The following KCNMB2 variants were observed in gnomAD, a reference collection of about 807,000 sequenced individuals.
KCNMB2 encodes calcium-activated potassium channel subunit beta-2.
Under a neutral mutation model 24.5 loss-of-function variants are expected in KCNMB2, and 9 were observed. The ratio of observed to expected loss-of-function variants is 0.37; its 90% CI spans 0.22 to 0.64. The LOEUF is 0.64. Among genes scored for constraint, KCNMB2 ranks in the 30% least tolerant of loss-of-function variants. KCNMB2 has a pLI of 0.63. For missense variants in KCNMB2, 226 were observed against 284.3 expected, an observed-to-expected ratio of 0.79 and a Z score of 1.47; for synonymous variants, 109 against 104.4, an observed-to-expected ratio of 1.04 and a Z score of -0.27.
At chr3:178,582,435 A>G (rs1717249251) in intron 1 of KCNMB2, among the ~76,000 whole-genome samples, 1 of 152,162 alleles carries the variant, frequency 6.6e-6, no homozygotes, top group South Asian at 2.1e-4. Flanking sequence ...GGTACAGCAA[A>G]CCACCATGGC....
chr3:178,759,812 C>A (rs868737434), intron 1 of KCNMB2, among the ~76,000 whole-genome samples: 187 of 5,556 alleles, frequency 0.034, 9 homozygotes, highest in African/African-American at 0.039. Context: ...GAGGATATAT[C>A]TATATATATA....
rs1408499293 is a variant in KCNMB2, at chr3:178,696,742, A to C, written c.-67-110601A>C. Among the ~76,000 whole-genome samples, 4 of 152,204 alleles carry C rather than the reference A, an allele frequency of 2.6e-5. 1 individual carries two copies. Among genetic ancestry groups the C allele is most frequent in the Admixed American group, 2.6e-4 (4 of 15,276 alleles). ...CTTTTTGATGTGTGCATTTTCTTCT[A>C]TAAATTTCCCTTTTAACATCACCTT... On this transcript the variant is annotated intron_variant, in intron 1 of 4. Coordinates refer to ENST00000452583, the MANE Select transcript of KCNMB2 (RefSeq NM_181361.3).
At chr3:178,783,851 G>C (rs538067516) in intron 1 of KCNMB2, among the ~76,000 whole-genome samples, 1 of 152,256 alleles carries the variant, frequency 6.6e-6, no homozygotes, top group Middle Eastern at 3.4e-3. Context: ...TGGTGAGAGA[G>C]GGCATCCCTG....
intron 2 of KCNMB2, among the ~76,000 whole-genome samples, chr3:178,822,454 T>C (rs1714669742): frequency 6.6e-6 from 1 of 152,254 alleles, no homozygotes; most frequent in Non-Finnish European, 1.5e-5. Flanking sequence ...CTGATATTTA[T>C]ATACATGTCT....
At chr3:178,762,574 T>C (rs551875649) in intron 1 of KCNMB2, among the ~76,000 whole-genome samples, 24 of 152,180 alleles carry the variant, frequency 1.6e-4, no homozygotes, top group African/African-American at 4.8e-4. Context: ...CTGCAGGGTG[T>C]AGAATGTAAG....
intron 1 of KCNMB2, among the ~76,000 whole-genome samples, chr3:178,624,985 C>G (rs1270347578): frequency 2.6e-5 from 4 of 152,048 alleles, no homozygotes; most frequent in African/African-American, 4.8e-5. Context: ...GAAAAAGCAG[C>G]AGGCTGCCCA....
At chr3:178,652,481 AT>A (rs1720160678) in intron 1 of KCNMB2, among the ~76,000 whole-genome samples, 1 of 151,714 alleles carries the variant, frequency 6.6e-6, no homozygotes. Flanking sequence ...AAAATCATGT[AT>A]TTTTTTCTCC....
chr3:178,611,591 G>A (rs1319731160), intron 1 of KCNMB2, among the ~76,000 whole-genome samples: 1 of 152,110 alleles, frequency 6.6e-6, no homozygotes, highest in Non-Finnish European at 1.5e-5. Flanking sequence ...TGTAGTCCCA[G>A]CTATTCGGGA....
At chr3:178,738,305 C>T (rs1158595249) in intron 1 of KCNMB2, among the ~76,000 whole-genome samples, 1 of 152,196 alleles carries the variant, frequency 6.6e-6, no homozygotes, top group Non-Finnish European at 1.5e-5. Flanking sequence ...AGCCTTCTAA[C>T]CTGTGCTCAT....
intron 1 of KCNMB2, among the ~76,000 whole-genome samples, chr3:178,768,750 G>T (rs568364782): frequency 1.3e-5 from 2 of 152,060 alleles, no homozygotes; most frequent in African/African-American, 4.8e-5. Context: ...CTGCATTTTC[G>T]CCTCATAGAT....
chr3:178,678,152 T>C (rs1029296503), intron 1 of KCNMB2, among the ~76,000 whole-genome samples: 1 of 152,184 alleles, frequency 6.6e-6, no homozygotes, highest in South Asian at 2.1e-4. Flanking sequence ...AGCTAGTCAG[T>C]GTCAGGGGTC....
intron 1 of KCNMB2, among the ~76,000 whole-genome samples, chr3:178,718,855 ATC>A (rs1158869156): frequency 6.6e-6 from 1 of 152,110 alleles, no homozygotes; most frequent in East Asian, 1.9e-4. Flanking sequence ...AGAGACACAA[ATC>A]TCTGTCTCAT....
intron 1 of KCNMB2, among the ~76,000 whole-genome samples, chr3:178,592,842 T>A (rs1717725807): frequency 6.6e-6 from 1 of 152,064 alleles, no homozygotes; most frequent in African/African-American, 2.4e-5. Context: ...AAGGGCCCAG[T>A]TTGTTAGCAT....
At chr3:178,757,866 T>TATATATATCCAAGAGGATAC (rs1724203950) in intron 1 of KCNMB2, among the ~76,000 whole-genome samples, 1 of 131,860 alleles carries the variant, frequency 7.6e-6, no homozygotes, top group African/African-American at 2.7e-5. Flanking sequence ...AGGATACATA[T>TATATATATCCAAGAGGATAC]ATATATCCAA....
rs1560009531 is a variant in KCNMB2, at chr3:178,759,727, CACA to C, written c.-67-47615_-67-47613del. ...ATATATATCCAAGAGGATATATATA[CACA>C]TATATATATCCAAGAGGATATATCT... is the stretch of plus-strand genomic sequence containing the variant. On this transcript the variant is annotated intron_variant, in intron 1 of 4. Coordinates refer to ENST00000452583, the MANE Select transcript of KCNMB2 (RefSeq NM_181361.3). Among the ~76,000 whole-genome samples, 276 of 50,916 alleles carry C rather than the reference CACA, an allele frequency of 5.4e-3. 29 individuals carry two copies. Among genetic ancestry groups the C allele is most frequent in the Non-Finnish European group, 9.8e-3 (239 of 24,396 alleles). 33.4% of individuals were successfully genotyped at this position (50,916 alleles called of 152,430 possible).
chr3:178,603,393 C>A (rs1327371804), intron 1 of KCNMB2, among the ~76,000 whole-genome samples: 1 of 151,406 alleles, frequency 6.6e-6, no homozygotes, highest in Non-Finnish European at 1.5e-5. Context: ...AGAAATAGCC[C>A]AGAGAGAACA....
chr3:178,782,830 C>CA (rs1233176728), intron 1 of KCNMB2, among the ~76,000 whole-genome samples: 3 of 151,318 alleles, frequency 2.0e-5, no homozygotes, highest in Non-Finnish European at 3.0e-5. Context: ...CTTTTGTTGC[C>CA]ATTGCTTTTG....
At chr3:178,601,413 C>G (rs1395277308) in intron 1 of KCNMB2, among the ~76,000 whole-genome samples, 1 of 152,140 alleles carries the variant, frequency 6.6e-6, no homozygotes, top group African/African-American at 2.4e-5. Context: ...AACCTCCCCA[C>G]AACTACCACT....
At chr3:178,581,215 C>T (rs1282590663) in intron 1 of KCNMB2, among the ~76,000 whole-genome samples, 5 of 152,132 alleles carry the variant, frequency 3.3e-5, no homozygotes, top group African/African-American at 1.2e-4. Flanking sequence ...TAACATCACA[C>T]ATCTACAACC....
Sources: gnomAD v4.1 joint callset for allele counts (sites outside exome capture counted in the v4.1 genomes callset) on GRCh38, gnomAD v4.1.1 for gene constraint, MANE v1.5 for transcripts, NCBI Gene and HGNC (gene_info 2026-07-23, HGNC 2026-07-21) for gene names.